Variants in PHACTR1 observed in about 807,000 individuals in gnomAD.
PHACTR1 encodes the protein RPEL repeat containing 1.
In PHACTR1, 16 loss-of-function variants were observed where a neutral mutation model predicts 69.2. The observed-to-expected ratio is 0.23, with a 90% confidence interval of 0.16 to 0.35. The LOEUF is 0.35. Ranked by LOEUF, PHACTR1 falls within the 10% of genes least tolerant of loss-of-function variation. The pLI is 1.00. For missense variants in PHACTR1, 510 were observed against 734.7 expected, an observed-to-expected ratio of 0.69 and a Z score of 3.54; for synonymous variants, 312 against 284.5, an observed-to-expected ratio of 1.10 and a Z score of -0.97.
At chr6:12,854,296 T>C (rs1276678089) in intron 4 of PHACTR1, among the ~76,000 whole-genome samples, 1 of 152,228 alleles carries the variant, frequency 6.6e-6, no homozygotes, top group African/African-American at 2.4e-5. Flanking sequence ...CAAAATCTGC[T>C]TAAAGCTTTG....
In PHACTR1 at chr6:13,179,699, TAGAG is replaced by T. The variant is rs1484380189; in HGVS notation, c.497-2818_497-2815del. On this transcript the variant is annotated intron_variant, in intron 6 of 14. Coordinates refer to ENST00000332995, the MANE Select transcript of PHACTR1 (RefSeq NM_030948.6). This position sits in a 1 kb window ranked among gnomAD's most constrained non-coding sequence, Gnocchi z 4.2. ...GTAGGTAGGTAGATAGATAAGTAGATAGAGATAGATAGATAGATAGATAGATAGA... is the reference window on the plus strand; with the variant it reads ...GTAGGTAGGTAGATAGATAAGTAGATATAGATAGATAGATAGATAGATAGA... Among the ~76,000 whole-genome samples, 2 of 96,240 alleles carry T rather than the reference TAGAG, an allele frequency of 2.1e-5. No individual in the cohort carries two copies. Among genetic ancestry groups the T allele is most frequent in the African/African-American group, 3.6e-5 (1 of 28,126 alleles). The allele number at this position is 96,240 out of a possible 152,430, so 63.1% of individuals were successfully genotyped here.
At chr6:13,210,798 C>T (rs1766693551) in intron 8 of PHACTR1, among the ~76,000 whole-genome samples, 1 of 151,956 alleles carries the variant, frequency 6.6e-6, no homozygotes, top group South Asian at 2.1e-4. Context: ...TTCAGTGACC[C>T]TAGAATGGTT....
At chr6:12,960,274 C>G (rs139124683) in intron 4 of PHACTR1, among the ~76,000 whole-genome samples, 94 of 152,270 alleles carry the variant, frequency 6.2e-4, no homozygotes, top group African/African-American at 2.2e-3. Flanking sequence ...AAAGTACTTG[C>G]TATTATTGTT....
chr6:12,832,768 C>T (rs1777724748), intron 4 of PHACTR1, among the ~76,000 whole-genome samples: 1 of 151,944 alleles, frequency 6.6e-6, no homozygotes, highest in African/African-American at 2.4e-5. Flanking sequence ...AAGAACAGCC[C>T]CCACCCCCCA....
At chr6:13,202,551 C>T (rs1303981784) in intron 7 of PHACTR1, among the ~76,000 whole-genome samples, 2 of 148,638 alleles carry the variant, frequency 1.3e-5, no homozygotes, top group Non-Finnish European at 3.0e-5. Flanking sequence ...AATCTCAGCT[C>T]ACTGCAAAGT....
At chr6:12,778,700 A>G (rs1770411633) in intron 4 of PHACTR1, among the ~76,000 whole-genome samples, 1 of 152,200 alleles carries the variant, frequency 6.6e-6, no homozygotes, top group Non-Finnish European at 1.5e-5. Context: ...ACCAGTTTGA[A>G]AAGAGTACCT....
At chr6:12,859,666 G>A (rs1250170770) in intron 4 of PHACTR1, among the ~76,000 whole-genome samples, 1 of 152,156 alleles carries the variant, frequency 6.6e-6, no homozygotes, top group Non-Finnish European at 1.5e-5. Context: ...GACTTTGAGA[G>A]CAGGTCTATG....
chr6:12,866,296 G>A (rs35227817), intron 4 of PHACTR1, among the ~76,000 whole-genome samples: 10,260 of 152,142 alleles, frequency 0.067, 387 homozygotes, highest in Middle Eastern at 0.11. Flanking sequence ...TATATTATAG[G>A]ACCTGAGCTT....
At chr6:13,150,893 T>TA (rs1824206352) in intron 5 of PHACTR1, among the ~76,000 whole-genome samples, 1 of 152,252 alleles carries the variant, frequency 6.6e-6, no homozygotes. Flanking sequence ...TTCTAGGCTA[T>TA]AGGTGTTGCA....
At chr6:13,125,778 A>C (rs1819435849) in intron 5 of PHACTR1, among the ~76,000 whole-genome samples, 1 of 152,090 alleles carries the variant, frequency 6.6e-6, no homozygotes, top group Non-Finnish European at 1.5e-5. Flanking sequence ...AAAATACAAA[A>C]AATTAGCCAG....
rs551303670 is a variant in PHACTR1, at chr6:13,155,136, G to T, written c.416-5068G>T. Among the ~76,000 whole-genome samples the T allele has an allele frequency of 8.5e-5, 13 of 152,158 alleles. No homozygotes were observed. In the South Asian group the frequency reaches 2.3e-3, roughly 27 times the overall value. On this transcript the variant is annotated intron_variant, in intron 5 of 14. Coordinates refer to ENST00000332995, the MANE Select transcript of PHACTR1 (RefSeq NM_030948.6). ...CCATGTTGGCTTCTGATTAACCCCA[G>T]GTCTTAGAAGGCCTCTGAGATTTCC...
chr6:13,126,073 A>C (rs1561865664), intron 5 of PHACTR1, among the ~76,000 whole-genome samples: 1 of 152,218 alleles, frequency 6.6e-6, no homozygotes, highest in Non-Finnish European at 1.5e-5. Flanking sequence ...AAAAACATTT[A>C]TGTTATTCAA....
chr6:13,182,439 G>C, intron 6 of PHACTR1, 80 bp from the exon 7 acceptor site: 1 of 1,466,116 alleles, frequency 6.8e-7, no homozygotes, highest in Non-Finnish European at 9.6e-7. Flanking sequence ...GCAGCATCTA[G>C]ACTCAGCAGG....
intron 5 of PHACTR1, among the ~76,000 whole-genome samples, chr6:13,075,159 A>G (rs946980424): frequency 4.6e-5 from 7 of 152,242 alleles, no homozygotes; most frequent in African/African-American, 1.7e-4. Context: ...ATCAACATAT[A>G]TATTACTTAT....
chr6:12,873,816 C>A (rs907492206), intron 4 of PHACTR1, among the ~76,000 whole-genome samples: 5 of 148,626 alleles, frequency 3.4e-5, no homozygotes, highest in African/African-American at 1.2e-4. Context: ...TGTACAGTAA[C>A]AACATATGCC....
intron 4 of PHACTR1, among the ~76,000 whole-genome samples, chr6:12,872,212 C>T (rs1359162371): frequency 1.3e-5 from 2 of 151,834 alleles, no homozygotes; most frequent in South Asian, 2.1e-4. Flanking sequence ...TATCTGTTAG[C>T]GGTACATACT....
At chr6:12,994,160 A>C (rs1797134439) in intron 4 of PHACTR1, among the ~76,000 whole-genome samples, 1 of 152,212 alleles carries the variant, frequency 6.6e-6, no homozygotes, top group Non-Finnish European at 1.5e-5. Context: ...CACAGTGGAC[A>C]CAGCCAAAGA....
At chr6:12,848,391 T>G (rs2127754273) in intron 4 of PHACTR1, among the ~76,000 whole-genome samples, 1 of 152,348 alleles carries the variant, frequency 6.6e-6, no homozygotes, top group East Asian at 1.9e-4. Flanking sequence ...TTGCTCATTT[T>G]TCTTTTCTCC....
intron 8 of PHACTR1, among the ~76,000 whole-genome samples, chr6:13,212,408 A>T (rs1766988406): frequency 6.6e-6 from 1 of 152,184 alleles, no homozygotes; most frequent in Non-Finnish European, 1.5e-5. Context: ...ACTCTTCAAG[A>T]CATTATTAAA....
Sources: gnomAD v4.1 joint callset for allele counts (sites outside exome capture counted in the v4.1 genomes callset) on GRCh38, gnomAD v4.1.1 for gene constraint, Gnocchi (gnomAD v3.1) non-coding constraint, MANE v1.5 for transcripts, NCBI Gene and HGNC (gene_info 2026-07-23, HGNC 2026-07-21) for gene names.